DTNA: variants seen among roughly 807,000 people sequenced by gnomAD.
DTNA encodes the protein dystrophin-related protein 3.
In DTNA, 43 loss-of-function variants were observed where a neutral mutation model predicts 100.7. That is an observed-to-expected ratio of 0.43 (90% confidence interval 0.33 to 0.55). The LOEUF (loss-of-function observed/expected upper bound fraction) is 0.55, where lower values mean the gene tolerates loss of function less well. Among genes scored for constraint, DTNA ranks in the 20% least tolerant of loss-of-function variants. DTNA has a pLI of 0.04. For missense variants in DTNA, 798 were observed against 953.9 expected (o/e 0.84, Z 2.15); for synonymous variants, 349 against 347.9 (o/e 1.00, Z -0.04).
At chr18:34,727,172 G>C (rs917418646) in intron 1 of DTNA, among the ~76,000 whole-genome samples, 4 of 152,208 alleles carry the variant, frequency 2.6e-5, no homozygotes, top group African/African-American at 9.6e-5. Flanking sequence ...GGCTTCACAG[G>C]GCAGCAGGGT....
chr18:34,857,533 A>C (rs2096567692), intron 15 of DTNA, among the ~76,000 whole-genome samples: 1 of 152,200 alleles, frequency 6.6e-6, no homozygotes, highest in African/African-American at 2.4e-5. Context: ...CCTAATGCTC[A>C]CCAAATGCAG....
rs1325921200 is a variant in DTNA, at chr18:34,882,220, A to G, written c.2295+19A>G. The G allele has an allele frequency of 5.0e-6, 8 of 1,612,592 alleles. No homozygotes were observed. The highest frequency in any genetic ancestry group is 1.3e-5 in the African/African-American group (1 of 74,848). ...TTATCAGGTACAGGGATCCAGGCCC[A>G]CCCCACCCCACCTCTTCTGCCTCAA... On this transcript the variant is annotated intron_variant, in intron 21 of 22. Transcript: ENST00000444659.
Position 34,712,036 on chromosome 18 carries a change from A to G in DTNA, c.-2+1591A>G, listed in dbSNP as rs531587289. Among the ~76,000 whole-genome samples, 28 of 152,286 alleles carry G rather than the reference A, an allele frequency of 1.8e-4. 1 individual carries two copies. In the East Asian group the frequency reaches 5.2e-3, roughly 28 times the overall value. On this transcript the variant is annotated intron_variant, in intron 1 of 22. Coordinates refer to ENST00000444659, the MANE Select transcript of DTNA (RefSeq NM_001386795.1). ...AGAGAATAGGGAGTTTCTAAAAATC[A>G]GTGAAAGATGGTACCTGGTAAACTA...
chr18:34,707,839 T>G (rs945027062), upstream of DTNA, among the ~76,000 whole-genome samples: 3 of 152,206 alleles, frequency 2.0e-5, no homozygotes, highest in Non-Finnish European at 4.4e-5. Flanking sequence ...AGCTGCTCCT[T>G]GCCTTTTTGC....
chr18:34,660,213 A>G (rs755879586), intron 1 of DTNA, among the ~76,000 whole-genome samples: 7 of 152,048 alleles, frequency 4.6e-5, no homozygotes, highest in African/African-American at 1.4e-4. Context: ...AAGCCCCCCA[A>G]CCATCGGAAT....
At chr18:34,557,453 A>G (rs1426690509) in intron 1 of DTNA, among the ~76,000 whole-genome samples, 2 of 152,124 alleles carry the variant, frequency 1.3e-5, no homozygotes, top group African/African-American at 2.4e-5. Flanking sequence ...TCTGCGTTTC[A>G]GAGTTTCCCG....
chr18:34,600,472 T>C (rs1431342994), intron 1 of DTNA, among the ~76,000 whole-genome samples: 1 of 152,218 alleles, frequency 6.6e-6, no homozygotes, highest in Non-Finnish European at 1.5e-5. Context: ...TTATAGATGC[T>C]GAAACAATGA....
At chr18:34,874,762 C>T (rs1052181395) in intron 17 of DTNA, among the ~76,000 whole-genome samples, 1 of 152,152 alleles carries the variant, frequency 6.6e-6, no homozygotes, top group Non-Finnish European at 1.5e-5. Flanking sequence ...TTAATATGCA[C>T]AATATTGTAT....
intron 20 of DTNA, among the ~76,000 whole-genome samples, chr18:34,880,809 C>G (rs1281289760): frequency 6.6e-6 from 1 of 152,160 alleles, no homozygotes; most frequent in Non-Finnish European, 1.5e-5. Context: ...TACGCTGCTG[C>G]TTAATATAGT....
intron 1 of DTNA, among the ~76,000 whole-genome samples, chr18:34,529,927 G>T (rs2042986208): frequency 1.3e-5 from 2 of 152,240 alleles, no homozygotes; most frequent in South Asian, 4.1e-4. Flanking sequence ...TAGTAGTTAA[G>T]AAACACTGTC....
chr18:34,868,491 G>C (rs2096731566), intron 17 of DTNA: 1 of 985,248 alleles, frequency 1.0e-6, no homozygotes, highest in African/African-American at 1.7e-5. Flanking sequence ...ACTGGCATCT[G>C]CTTCTAAATT....
At chr18:34,759,768 G>A (rs1405349850) in intron 2 of DTNA, among the ~76,000 whole-genome samples, 7 of 152,104 alleles carry the variant, frequency 4.6e-5, no homozygotes, top group Non-Finnish European at 7.4e-5. Context: ...TGCAACCTCC[G>A]CCTCCCTGTT....
chr18:34,503,618 A>G (rs1249660468), intron 1 of DTNA, among the ~76,000 whole-genome samples: 2 of 152,010 alleles, frequency 1.3e-5, no homozygotes, highest in East Asian at 3.9e-4. Context: ...CTCTGCTAAT[A>G]TCTGTCTTTT....
intron 1 of DTNA, among the ~76,000 whole-genome samples, chr18:34,641,875 C>T (rs1017285500): frequency 1.3e-5 from 2 of 152,144 alleles, no homozygotes; most frequent in Non-Finnish European, 2.9e-5. Flanking sequence ...AATTAAGTTA[C>T]ATGCGTGCTG....
chr18:34,568,052 A>G (rs1158685289), intron 1 of DTNA, among the ~76,000 whole-genome samples: 1 of 152,200 alleles, frequency 6.6e-6, no homozygotes, highest in African/African-American at 2.4e-5. Flanking sequence ...TATTGTTTCT[A>G]TAGAAATAGG....
At chr18:34,630,015 G>C (rs1265695786) in intron 1 of DTNA, among the ~76,000 whole-genome samples, 1 of 152,122 alleles carries the variant, frequency 6.6e-6, no homozygotes, top group Non-Finnish European at 1.5e-5. Context: ...CTTCCCCAAA[G>C]TGGTTTCCAG....
intron 1 of DTNA, among the ~76,000 whole-genome samples, chr18:34,735,652 A>G (rs1158807416): frequency 6.6e-6 from 1 of 152,156 alleles, no homozygotes; most frequent in African/African-American, 2.4e-5. Flanking sequence ...TGGACCAGCC[A>G]GAAGAGGCAG....
At chr18:34,639,459 A>G (rs1359568280) in intron 1 of DTNA, among the ~76,000 whole-genome samples, 1 of 152,202 alleles carries the variant, frequency 6.6e-6, no homozygotes, top group Non-Finnish European at 1.5e-5. Context: ...AAAGAAGACA[A>G]GGATAAATAA....
chr18:34,846,612 G>A (rs1018934169), intron 13 of DTNA, among the ~76,000 whole-genome samples: 13 of 151,958 alleles, frequency 8.6e-5, no homozygotes, highest in Non-Finnish European at 1.8e-4. Context: ...ATATGCAAGG[G>A]GTGTAGGCTA....
Sources: allele counts gnomAD v4.1 joint callset (sites outside exome capture counted in the v4.1 genomes callset), GRCh38; gene constraint gnomAD v4.1.1; transcripts MANE v1.5; gene names NCBI Gene and HGNC (gene_info 2026-07-23, HGNC 2026-07-21).